The following TMPO variants were observed in gnomAD, a reference collection of about 807,000 sequenced individuals.
TMPO encodes thymopoietin, also known as LEM domain containing 4.
A neutral mutation model predicts 45.4 loss-of-function variants in TMPO; 22 were observed. The observed-to-expected ratio is 0.48, with a 90% CI of 0.35 to 0.69. The LOEUF (loss-of-function observed/expected upper bound fraction) is 0.69, where lower values mean the gene tolerates loss of function less well. TMPO is among the 30% of genes least tolerant of loss of function. The pLI is 0.01. For missense variants in TMPO, 512 were observed against 548.8 expected, an observed-to-expected ratio of 0.93 and a Z score of 0.67; for synonymous variants, 241 against 204.1, an observed-to-expected ratio of 1.18 and a Z score of -1.54.
At position 98,533,939 on chromosome 12, in the gene TMPO, G is replaced by T. The variant is rs774064196; in HGVS notation, c.565+2101G>T. The T allele has an allele frequency of 4.3e-6, 7 of 1,613,850 alleles. No homozygotes were observed. The highest frequency in any genetic ancestry group is 5.9e-6 in the Non-Finnish European group (7 of 1,179,924). On this transcript the variant is annotated intron_variant, in intron 3 of 8. Coordinates refer to ENST00000556029, the MANE Select transcript of TMPO (RefSeq NM_001032283.3). ...ATTCAAGCAGCCTCCACTGAGTCTT[G>T]CAATCAGCAGTTGGACTTAGCACTC...
intron 1 of TMPO, among the ~76,000 whole-genome samples, chr12:98,519,478 G>C (rs1201878918): frequency 6.6e-6 from 1 of 152,174 alleles, no homozygotes; most frequent in Non-Finnish European, 1.5e-5. Flanking sequence ...GGAATGCAAG[G>C]ATGAGCGACG....
chr12:98,542,451 C>CTT (rs35487542), intron 4 of TMPO, among the ~76,000 whole-genome samples: 13,434 of 138,234 alleles, frequency 0.097, 776 homozygotes, highest in East Asian at 0.26. Flanking sequence ...GGGGCATTTG[C>CTT]TTTTTTTTTT....
chr12:98,532,894 C>G lies in TMPO; in HGVS notation c.565+1056C>G. The G allele has an allele frequency of 6.2e-7, 1 of 1,614,146 alleles. No individual in the cohort carries two copies. Among genetic ancestry groups the G allele is most frequent in the Non-Finnish European group, 8.5e-7 (1 of 1,180,028 alleles). On this transcript the variant is annotated intron_variant, in intron 3 of 8. Coordinates refer to ENST00000556029, the MANE Select transcript of TMPO (RefSeq NM_001032283.3). ...TCCTTTTTCTGAACTTGGAACTACT[C>G]CCTCTGGTGGTGGATTTTTTCAGGG...
chr12:98,516,028 C>T lies in TMPO; in HGVS notation c.161C>T (p.Pro54Leu). 6.2e-7 allele frequency: 1 copy of T among 1,611,580 alleles called. No individual in the cohort carries two copies. Among genetic ancestry groups the T allele is most frequent in the Non-Finnish European group, 8.5e-7 (1 of 1,179,558 alleles). The change falls in exon 1 of 9, where the codon CCC becomes CTC. Residue 54 changes from proline to leucine, a missense_variant. Pro to Leu is a moderately conservative substitution (Grantham distance 98, BLOSUM62 -3). Around this residue, in one of 3 missense-constraint regions of TMPO, gnomAD observed 299 missense variants for 296.7 expected, o/e 1.01. Transcript: ENST00000556029. ...HLTARNRPPL[P>L]AGTNSKGPPD... ...ACGGCTCGCAACCGGCCGCCGCTCC[C>T]CGCCGGCACCAACAGCAAGGGGCCC...
In TMPO at chr12:98,515,815, G is replaced by C. The variant is rs1389793385; in HGVS notation, c.-53G>C. Reference sequence around the variant, plus strand: ...TCCCCGGCCAGGAGCAAGCGCGCCGGCGTGAGCGGCGGCGGCAAAGGCTGT... The same window carrying C: ...TCCCCGGCCAGGAGCAAGCGCGCCGCCGTGAGCGGCGGCGGCAAAGGCTGT... On this transcript the variant is annotated 5_prime_UTR_variant, in exon 1 of 9. Coordinates refer to ENST00000556029, the MANE Select transcript of TMPO (RefSeq NM_001032283.3). 1 of 1,574,474 alleles carries C rather than the reference G, an allele frequency of 6.4e-7. No individual in the cohort carries two copies. Among genetic ancestry groups the C allele is most frequent in the Non-Finnish European group, 8.6e-7 (1 of 1,161,728 alleles).
chr12:98,547,078 C>CTTTTTTTTTTTTTTTTTTTTTTTT (rs10632560), intron 8 of TMPO, among the ~76,000 whole-genome samples: 2 of 141,680 alleles, frequency 1.4e-5, no homozygotes, highest in Non-Finnish European at 1.5e-5. Context: ...ATGCATCGAA[C>CTTTTTTTTTTTTTTTTTTTTTTTT]TTTTTTTTTT....
intron 1 of TMPO, among the ~76,000 whole-genome samples, chr12:98,525,647 A>G (rs11109515): frequency 0.22 from 32,858 of 151,544 alleles, 4,600 homozygotes; most frequent in Non-Finnish European, 0.31. Flanking sequence ...AGGCTGAGGC[A>G]GGAGAATCAC....
chr12:98,533,388 CAG>C, intron 3 of TMPO: 1 of 1,614,186 alleles, frequency 6.2e-7, no homozygotes. Flanking sequence ...CCCAGGCAAT[CAG>C]AGATTATGTC....
chr12:98,520,861 C>A (rs1161471793), intron 1 of TMPO, among the ~76,000 whole-genome samples: 1 of 152,020 alleles, frequency 6.6e-6, no homozygotes, highest in Non-Finnish European at 1.5e-5. Context: ...CATGAGCCAC[C>A]GCTCCCGGCC....
chr12:98,547,324 C>T (rs1386606142), intron 8 of TMPO, among the ~76,000 whole-genome samples: 2 of 152,198 alleles, frequency 1.3e-5, no homozygotes, highest in Non-Finnish European at 2.9e-5. Flanking sequence ...ATCTGCCCGC[C>T]TTGGCCTCCC....
In TMPO at chr12:98,521,401, C is replaced by T. The variant is rs143005445; in HGVS notation, c.279+5255C>T. Among the ~76,000 whole-genome samples, 219 of 152,112 alleles carry T rather than the reference C, an allele frequency of 1.4e-3. 1 individual carries two copies. The highest frequency in any genetic ancestry group is 3.4e-3 in the Middle Eastern group (1 of 294). On this transcript the variant is annotated intron_variant, in intron 1 of 8. Coordinates refer to ENST00000556029, the MANE Select transcript of TMPO (RefSeq NM_001032283.3). Reference sequence around the variant, plus strand: ...TGCTGGGATTACAGACGTGAGCCACCGTGCCCAGCCTATGGGGAACATTTT... The same window carrying T: ...TGCTGGGATTACAGACGTGAGCCACTGTGCCCAGCCTATGGGGAACATTTT...
rs1184466829 is a variant in TMPO at position 98,549,553 on chromosome 12, A to C, written c.*1695A>C. On this transcript the variant is annotated 3_prime_UTR_variant, in exon 9 of 9. Transcript: ENST00000556029. ...ACTTACCTCATGAATAACTTGATTAAAGTAGTAGGTGATTAAAATTTCAAT... is the reference window on the plus strand; with the variant it reads ...ACTTACCTCATGAATAACTTGATTACAGTAGTAGGTGATTAAAATTTCAAT... 2.8e-5 allele frequency: 3 copies of C among 107,254 alleles called. No homozygotes were observed. The highest frequency in any genetic ancestry group is 6.2e-5 in the Non-Finnish European group (3 of 48,452). The allele number at this position is 107,254 out of a possible 1,614,324, so 6.6% of individuals were successfully genotyped here.
At chr12:98,535,724 A>G in intron 3 of TMPO, 1 of 906,870 alleles carries the variant, frequency 1.1e-6, no homozygotes, top group Non-Finnish European at 1.3e-6. Flanking sequence ...CCCCTTTTCC[A>G]TTTCATCATT....
chr12:98,549,258 C>G lies in TMPO; in HGVS notation c.*1400C>G, dbSNP rs1167847178. On this transcript the variant is annotated 3_prime_UTR_variant, in exon 9 of 9. Coordinates refer to ENST00000556029, the MANE Select transcript of TMPO (RefSeq NM_001032283.3). ...ATTTTTTATGAGATGGAGTCTCACT[C>G]TTGTCACCCAGACTGTAGTGCAGTG... 1 of 152,158 alleles carries G rather than the reference C, an allele frequency of 6.6e-6. No individual in the cohort carries two copies. Among genetic ancestry groups the G allele is most frequent in the East Asian group, 1.9e-4 (1 of 5,196 alleles). The allele number at this position is 152,158 out of a possible 1,614,324, so 9.4% of individuals were successfully genotyped here.
chr12:98,533,174 C>G, intron 3 of TMPO: 1 of 1,614,108 alleles, frequency 6.2e-7, no homozygotes, highest in Non-Finnish European at 8.5e-7. Context: ...ATGTTGGTCT[C>G]TACTGCAGCT....
intron 1 of TMPO, among the ~76,000 whole-genome samples, chr12:98,520,448 A>C (rs1173613857): frequency 6.6e-6 from 1 of 151,800 alleles, no homozygotes; most frequent in Non-Finnish European, 1.5e-5. Context: ...TATTACTTAC[A>C]GGCACACACC....
intron 1 of TMPO, 69 bp from the exon 2 acceptor site, chr12:98,527,817 A>T (rs972555999): frequency 1.0e-5 from 16 of 1,579,794 alleles, no homozygotes; most frequent in Non-Finnish European, 1.3e-5. Flanking sequence ...TGTTTATGTT[A>T]TACAGGTTAT....
intron 3 of TMPO, chr12:98,532,141 C>A (rs994713152): frequency 1.0e-5 from 3 of 296,904 alleles, no homozygotes; most frequent in African/African-American, 2.2e-5. Context: ...CTCGTACTTA[C>A]CTGTACCTAT....
At chr12:98,519,711 G>A (rs552694997) in intron 1 of TMPO, among the ~76,000 whole-genome samples, 118 of 152,242 alleles carry the variant, frequency 7.8e-4, no homozygotes, top group African/African-American at 2.7e-3. Context: ...AATATTGGTA[G>A]TCAGCGTCAT....
Sources: allele counts gnomAD v4.1 joint callset (sites outside exome capture counted in the v4.1 genomes callset), GRCh38; gene constraint gnomAD v4.1.1; regional missense constraint gnomAD v4.1.1; transcripts MANE v1.5; gene names NCBI Gene and HGNC (gene_info 2026-07-23, HGNC 2026-07-21).